The following FUCA2 variants were observed in gnomAD, a reference collection of about 807,000 sequenced individuals.
The protein encoded by FUCA2 is alpha-L-fucosidase 2.
A neutral mutation model predicts 52.6 loss-of-function variants in FUCA2; 41 were observed. The ratio of observed to expected loss-of-function variants is 0.78; its 90% confidence interval spans 0.61 to 1.01. The LOEUF is 1.01. Ranked by LOEUF, FUCA2 falls within the 50% of genes least tolerant of loss-of-function variation. The pLI, the probability that FUCA2 is intolerant of heterozygous loss-of-function variation, is 0.00. For missense variants in FUCA2, 507 were observed against 569.5 expected (o/e 0.89, Z 1.12); for synonymous variants, 211 against 217.3 (o/e 0.97, Z 0.26).
At chr6:143,505,920 T>A (rs1019115208) in intron 2 of FUCA2, 2 of 152,164 alleles carry the variant, frequency 1.3e-5, no homozygotes, top group East Asian at 3.8e-4. Flanking sequence ...ACAGTTTGAT[T>A]AACAATTTTT....
At position 143,504,326 on chromosome 6, in the gene FUCA2, C is replaced by CA; in HGVS notation, c.413-75dup. On this transcript the variant is annotated intron_variant, in intron 2 of 6. Coordinates refer to ENST00000002165, the MANE Select transcript of FUCA2 (RefSeq NM_032020.5). This position sits in a 1 kb window ranked among gnomAD's most constrained non-coding sequence, Gnocchi z 4.4. ...GTAAATTTCAACCCACACAAATGCC[C>CA]AAACAAATCACATAGTACATGCGAT... 1 of 1,256,206 alleles carries CA rather than the reference C, an allele frequency of 8.0e-7. No individual in the cohort carries two copies. The highest frequency in any genetic ancestry group is 1.1e-6 in the Non-Finnish European group (1 of 892,780). 77.8% of individuals were successfully genotyped at this position (1,256,206 alleles called of 1,614,324 possible).
In FUCA2 at chr6:143,502,409, G is replaced by A. The variant is rs374520739; in HGVS notation, c.909C>T (p.Gly303=). 36 of 1,613,786 alleles carry A rather than the reference G, an allele frequency of 2.2e-5. No individual in the cohort carries two copies. The highest frequency in any genetic ancestry group is 3.0e-5 in the Non-Finnish European group (35 of 1,179,948). ...CAGAGATTCCAGCTTCCCTCCTATA[G>A]CCCCAGGACAGTTTGTCTATTGTCA... The part of the protein sequence containing the change: ...NCMTIDKLSW[G]YRREAGISDY... Residue 303 remains glycine (G), a synonymous_variant, in exon 4 of 7, where the codon GGC becomes GGT. Coordinates refer to ENST00000002165, the MANE Select transcript of FUCA2 (RefSeq NM_032020.5). This position sits in a 1 kb window ranked among gnomAD's most constrained non-coding sequence, Gnocchi z 4.1.
Position 143,510,561 on chromosome 6 carries a change from C to A in FUCA2, c.224+850G>T, listed in dbSNP as rs2128422956. 6.6e-6 allele frequency among the ~76,000 whole-genome samples: 1 copy of A among 151,916 alleles called. No homozygotes were observed. Among genetic ancestry groups the A allele is most frequent in the East Asian group, 1.9e-4 (1 of 5,162 alleles). On this transcript the variant is annotated intron_variant, in intron 1 of 6. Transcript: ENST00000002165. This position sits in a 1 kb window ranked among gnomAD's most constrained non-coding sequence, Gnocchi z 4.4. ...GGCTAAGGCGCGAGAATCGTTTGAA[C>A]CCGGGCGGCGAAGGTTGCAGTGAGC...
chr6:143,500,656 GA>G lies in FUCA2; in HGVS notation c.1154+1275del, dbSNP rs1780516616. The stretch of plus-strand genomic sequence containing the variant: ...CATTACCAATATGACCTTGTATATT[GA>G]TAATGCAAAGGAACAGGTAACAAAG... On this transcript the variant is annotated intron_variant, in intron 5 of 6. Coordinates refer to ENST00000002165, the MANE Select transcript of FUCA2 (RefSeq NM_032020.5). This position sits in a 1 kb window ranked among gnomAD's most constrained non-coding sequence, Gnocchi z 6.9. Among the ~76,000 whole-genome samples, 1 of 152,158 alleles carries G rather than the reference GA, an allele frequency of 6.6e-6. No individual in the cohort carries two copies. The highest frequency in any genetic ancestry group is 2.4e-5 in the African/African-American group (1 of 41,440).
Position 143,511,179 on chromosome 6 carries a change from A to T in FUCA2, c.224+232T>A, listed in dbSNP as rs888540122. Among the ~76,000 whole-genome samples the T allele has an allele frequency of 6.6e-5, 10 of 152,210 alleles. No individual in the cohort carries two copies. Among genetic ancestry groups the T allele is most frequent in the African/African-American group, 2.2e-4 (9 of 41,448 alleles). On this transcript the variant is annotated intron_variant, in intron 1 of 6. Coordinates refer to ENST00000002165, the MANE Select transcript of FUCA2 (RefSeq NM_032020.5). This position sits in a 1 kb window ranked among gnomAD's most constrained non-coding sequence, Gnocchi z 6.3. The stretch of plus-strand genomic sequence containing the variant: ...AAGCTGAGGAGTCAGGAGTATCTGA[A>T]AACTCTTACAGTCACACGGAAGAAA...
At position 143,501,346 on chromosome 6, in the gene FUCA2, G is replaced by A. The variant is rs570143844; in HGVS notation, c.1154+586C>T. ...GGTGGCAACTGAAAGCGAATTTTTA[G>A]AACTTCACCAATACTCATCTTATTT... On this transcript the variant is annotated intron_variant, in intron 5 of 6. Transcript: ENST00000002165. This position sits in a 1 kb window ranked among gnomAD's most constrained non-coding sequence, Gnocchi z 6.1. Among the ~76,000 whole-genome samples, 9 of 152,294 alleles carry A rather than the reference G, an allele frequency of 5.9e-5. No homozygotes were observed. In the South Asian group the frequency reaches 1.9e-3, roughly 32 times the overall value.
intron 1 of FUCA2, among the ~76,000 whole-genome samples, chr6:143,508,293 C>A (rs1456519169): frequency 6.6e-6 from 1 of 152,276 alleles, no homozygotes; most frequent in Non-Finnish European, 1.5e-5. Context: ...CACATCTACA[C>A]ATTTTAGATA....
chr6:143,497,500 G>A lies in FUCA2; in HGVS notation c.1155-3C>T, dbSNP rs773356326. 30 of 1,551,440 alleles carry A rather than the reference G, an allele frequency of 1.9e-5. No individual in the cohort carries two copies. In the Middle Eastern group the frequency reaches 5.1e-4, roughly 26 times the overall value. ...TTTCTTTAGGCTTGGATGTGTACCT[G>A]GTTAAAAGAAAAAAATAAAGAGCAT... On this transcript the variant is annotated splice_polypyrimidine_tract_variant and splice_region_variant and intron_variant, in intron 5 of 6. Coordinates refer to ENST00000002165, the MANE Select transcript of FUCA2 (RefSeq NM_032020.5). This position sits in a 1 kb window ranked among gnomAD's most constrained non-coding sequence, Gnocchi z 5.3.
In FUCA2 at chr6:143,502,404, C is replaced by T. The variant is rs773840697; in HGVS notation, c.914G>A (p.Arg305Lys). Residue 305 changes from arginine (R) to lysine (K), a missense_variant, in exon 4 of 7, where the codon AGG (arginine) becomes AAG (lysine). Arg to Lys is a conservative substitution (Grantham distance 26, BLOSUM62 2). Transcript: ENST00000002165. This position sits in a 1 kb window ranked among gnomAD's most constrained non-coding sequence, Gnocchi z 4.1. Reference protein sequence around the residue: ...MTIDKLSWGYRREAGISDYLT... With the variant: ...MTIDKLSWGYKREAGISDYLT... The stretch of plus-strand genomic sequence containing the variant: ...ATAGTCAGAGATTCCAGCTTCCCTC[C>T]TATAGCCCCAGGACAGTTTGTCTAT... 6.2e-7 allele frequency: 1 copy of T among 1,614,078 alleles called. No individual in the cohort carries two copies. The highest frequency in any genetic ancestry group is 1.1e-5 in the South Asian group (1 of 91,080).
rs768334037 is a variant in FUCA2 at position 143,507,318 on chromosome 6, A to T, written c.331T>A (p.Phe111Ile). 5.6e-6 allele frequency: 9 copies of T among 1,610,458 alleles called. No homozygotes were observed. The highest frequency in any genetic ancestry group is 6.8e-6 in the Non-Finnish European group (8 of 1,179,256). The change falls in exon 2 of 7, where the codon TTT becomes ATT. Residue 111 changes from phenylalanine (F) to isoleucine (I), a missense_variant. Transcript: ENST00000002165. The surrounding 1 kb of genome is among the most constrained non-coding windows in gnomAD (Gnocchi z 4.5). The part of the protein sequence containing the change: ...EDFGPLFTAK[F>I]FNANQWADIF... ...TCTGCCCACTGGTTGGCATTAAAAA[A>T]TTTTGCTGTAAATAGTGGTCCAAAA...
rs1317570947 is a variant in FUCA2, at chr6:143,510,725, G to A, written c.224+686C>T. ...TGTTTTGAAGGACTTAATACTTGTA[G>A]CATTTAGTCAGAAAAGACATGTGCA... On this transcript the variant is annotated intron_variant, in intron 1 of 6. Coordinates refer to ENST00000002165, the MANE Select transcript of FUCA2 (RefSeq NM_032020.5). The surrounding 1 kb of genome is among the most constrained non-coding windows in gnomAD (Gnocchi z 4.4). Among the ~76,000 whole-genome samples the A allele has an allele frequency of 1.4e-4, 21 of 151,500 alleles. No homozygotes were observed. The highest frequency in any genetic ancestry group is 1.4e-3 in the Admixed American group (21 of 15,244).
At position 143,504,666 on chromosome 6, in the gene FUCA2, G is replaced by A. The variant is rs902473849; in HGVS notation, c.413-414C>T. 1 of 156,476 alleles carries A rather than the reference G, an allele frequency of 6.4e-6. No individual in the cohort carries two copies. The highest frequency in any genetic ancestry group is 2.4e-5 in the African/African-American group (1 of 41,492). 9.7% of individuals were successfully genotyped at this position (156,476 alleles called of 1,614,324 possible). A position where few individuals can be genotyped will look rare whatever the true frequency, so the allele number is the denominator to read the frequency against. ...ATATACATGTACCATGCTAAATGAT[G>A]ACTACCACTATTTATTATGAAGATC... On this transcript the variant is annotated intron_variant, in intron 2 of 6. Coordinates refer to ENST00000002165, the MANE Select transcript of FUCA2 (RefSeq NM_032020.5). This position sits in a 1 kb window ranked among gnomAD's most constrained non-coding sequence, Gnocchi z 4.4.
At chr6:143,496,404 T>A (rs1780460895) in intron 6 of FUCA2, 1 of 152,200 alleles carries the variant, frequency 6.6e-6, no homozygotes, top group South Asian at 2.1e-4. Flanking sequence ...TAAATAATAA[T>A]GTTAATTGGC....
Position 143,503,857 on chromosome 6 carries a change from T to C in FUCA2, c.752+56A>G. The stretch of plus-strand genomic sequence containing the variant: ...TTCAAGAGGTGAAGGAATTAAAATG[T>C]TAGAAATATATTAGGAATATGGAGG... On this transcript the variant is annotated intron_variant, in intron 3 of 6. Coordinates refer to ENST00000002165, the MANE Select transcript of FUCA2 (RefSeq NM_032020.5). This position sits in a 1 kb window ranked among gnomAD's most constrained non-coding sequence, Gnocchi z 4.8. 1 of 1,326,050 alleles carries C rather than the reference T, an allele frequency of 7.5e-7. No homozygotes were observed. The allele number at this position is 1,326,050 out of a possible 1,614,324, so 82.1% of individuals were successfully genotyped here. A position where few individuals can be genotyped will look rare whatever the true frequency, so the allele number is the denominator to read the frequency against.
Position 143,507,870 on chromosome 6 carries a change from T to G in FUCA2, c.225-446A>C, listed in dbSNP as rs936445524. Among the ~76,000 whole-genome samples, 1 of 152,162 alleles carries G rather than the reference T, an allele frequency of 6.6e-6. No individual in the cohort carries two copies. Among genetic ancestry groups the G allele is most frequent in the Non-Finnish European group, 1.5e-5 (1 of 68,018 alleles). On this transcript the variant is annotated intron_variant, in intron 1 of 6. Coordinates refer to ENST00000002165, the MANE Select transcript of FUCA2 (RefSeq NM_032020.5). This position sits in a 1 kb window ranked among gnomAD's most constrained non-coding sequence, Gnocchi z 4.5. Reference sequence around the variant, plus strand: ...TCTTTGTAGAGATGTGGTTTCCATATGTTGCCCAGGCTGGTCTTAAACTCC... The same window carrying G: ...TCTTTGTAGAGATGTGGTTTCCATAGGTTGCCCAGGCTGGTCTTAAACTCC...
At position 143,495,671 on chromosome 6, in the gene FUCA2, A is replaced by G; in HGVS notation, c.*36T>C. ...TAGACACCTGATAGTTCCTAGCCTT[A>G]GACATAACTTGCAGCATCAGCCACT... On this transcript the variant is annotated 3_prime_UTR_variant, in exon 7 of 7. Transcript: ENST00000002165. This position sits in a 1 kb window ranked among gnomAD's most constrained non-coding sequence, Gnocchi z 5.2. 6.3e-7 allele frequency: 1 copy of G among 1,595,060 alleles called. No homozygotes were observed. The highest frequency in any genetic ancestry group is 1.3e-5 in the African/African-American group (1 of 74,718).
Position 143,510,875 on chromosome 6 carries a change from A to G in FUCA2, c.224+536T>C, listed in dbSNP as rs1023857673. Among the ~76,000 whole-genome samples the G allele has an allele frequency of 6.6e-6, 1 of 152,166 alleles. No individual in the cohort carries two copies. Among genetic ancestry groups the G allele is most frequent in the Admixed American group, 6.5e-5 (1 of 15,274 alleles). On this transcript the variant is annotated intron_variant, in intron 1 of 6. Coordinates refer to ENST00000002165, the MANE Select transcript of FUCA2 (RefSeq NM_032020.5). The surrounding 1 kb of genome is among the most constrained non-coding windows in gnomAD (Gnocchi z 4.4). ...TGGGTTGTGTTAAGAGTACCATTCT[A>G]GAACCTCTTTAAAAAGTTCCTAGAG...
At position 143,504,173 on chromosome 6, in the gene FUCA2, T is replaced by C. The variant is rs748146441; in HGVS notation, c.492A>G (p.Glu164=). 2 of 1,614,220 alleles carry C rather than the reference T, an allele frequency of 1.2e-6. No individual in the cohort carries two copies. Among genetic ancestry groups the C allele is most frequent in the South Asian group, 1.1e-5 (1 of 91,090 alleles). ...DEGPKRDIVK[E]LEVAIRNRTD... ...TTCTGTTCCTAATGGCTACCTCAAGTTCCTTGACAATGTCCCTCTTGGGCC... is the reference window on the plus strand; with the variant it reads ...TTCTGTTCCTAATGGCTACCTCAAGCTCCTTGACAATGTCCCTCTTGGGCC... Residue 164 remains glutamate (E), a synonymous_variant, in exon 3 of 7, where the codon GAA becomes GAG. Coordinates refer to ENST00000002165, the MANE Select transcript of FUCA2 (RefSeq NM_032020.5). This position sits in a 1 kb window ranked among gnomAD's most constrained non-coding sequence, Gnocchi z 4.4.
In FUCA2 at chr6:143,497,364, G is replaced by A. The variant is rs1257373356; in HGVS notation, c.1263+25C>T. On this transcript the variant is annotated intron_variant, in intron 6 of 6. Transcript: ENST00000002165. The surrounding 1 kb of genome is among the most constrained non-coding windows in gnomAD (Gnocchi z 5.3). Reference sequence around the variant, plus strand: ...AAGATGTTCTAATCAGCAATTTAAAGGAATAAGGTAAAATTCCCTCTTACC... The same window carrying A: ...AAGATGTTCTAATCAGCAATTTAAAAGAATAAGGTAAAATTCCCTCTTACC... The A allele has an allele frequency of 7.0e-7, 1 of 1,427,724 alleles. No homozygotes were observed. Among genetic ancestry groups the A allele is most frequent in the South Asian group, 1.1e-5 (1 of 87,306 alleles). 88.4% of individuals were successfully genotyped at this position (1,427,724 alleles called of 1,614,324 possible).
Sources: allele counts gnomAD v4.1 joint callset (sites outside exome capture counted in the v4.1 genomes callset), GRCh38; gene constraint gnomAD v4.1.1; non-coding constraint Gnocchi (gnomAD v3.1); transcripts MANE v1.5; gene names NCBI Gene and HGNC (gene_info 2026-07-23, HGNC 2026-07-21).